The following P2RX3 variants were observed in gnomAD, a reference collection of about 807,000 sequenced individuals.
The protein encoded by P2RX3 is P2X purinoceptor 3.
A neutral mutation model predicts 51.5 loss-of-function variants in P2RX3; 41 were observed. That is an observed-to-expected ratio of 0.80 (90% confidence interval 0.62 to 1.03). P2RX3 has a LOEUF of 1.03. P2RX3 is among the 50% of genes least tolerant of loss of function. The pLI is 0.00. For missense variants in P2RX3, 459 were observed against 522.1 expected (o/e 0.88, Z 1.18); for synonymous variants, 185 against 191.6 (o/e 0.97, Z 0.29).
At chr11:57,347,093 C>G (rs1199949960) in intron 2 of P2RX3, 23 bp from the exon 3 acceptor site, 2 of 1,607,140 alleles carry the variant, frequency 1.2e-6, no homozygotes, top group East Asian at 2.2e-5. Flanking sequence ...GGATGTTTTT[C>G]TCTCCCTTCT....
At chr11:57,338,194 C>T (rs1856269616), upstream of P2RX3, among the ~76,000 whole-genome samples, 1 of 152,182 alleles carries the variant, frequency 6.6e-6, no homozygotes, top group Non-Finnish European at 1.5e-5. Context: ...AGAACAGAAA[C>T]AGTAGACAGA....
At chr11:57,338,316 G>A (rs773025598), upstream of P2RX3, 10 of 355,852 alleles carry the variant, frequency 2.8e-5, no homozygotes, top group Non-Finnish European at 4.2e-5. Context: ...GAGTGGAGTG[G>A]AGACGAACAA....
At chr11:57,343,620 C>T (rs554742536) in intron 1 of P2RX3, among the ~76,000 whole-genome samples, 3 of 152,134 alleles carry the variant, frequency 2.0e-5, no homozygotes, top group African/African-American at 7.2e-5. Flanking sequence ...TAGCAAGTGC[C>T]GCATTGGTTA....
intron 1 of P2RX3, among the ~76,000 whole-genome samples, chr11:57,346,057 C>G (rs1482588581): frequency 6.6e-6 from 1 of 152,094 alleles, no homozygotes; most frequent in Non-Finnish European, 1.5e-5. Context: ...AGGGTACAGC[C>G]GTGGGCCAAG....
At chr11:57,338,985 C>G (rs10896607) in intron 1 of P2RX3, among the ~76,000 whole-genome samples, 49,199 of 151,988 alleles carry the variant, frequency 0.32, 8,173 homozygotes, top group African/African-American at 0.36. Flanking sequence ...TCTCCACCCT[C>G]CCTGCTCTCA....
intron 11 of P2RX3, 102 bp downstream of exon 11, chr11:57,369,540 G>C: frequency 1.9e-6 from 2 of 1,069,350 alleles, no homozygotes; most frequent in Non-Finnish European, 1.4e-6. Context: ...TCTGAAGGGG[G>C]GTTCACCAGG....
intron 1 of P2RX3, among the ~76,000 whole-genome samples, chr11:57,345,425 G>C (rs761865549): frequency 6.6e-6 from 1 of 152,122 alleles, no homozygotes; most frequent in Admixed American, 6.5e-5. Context: ...TGTTTACATC[G>C]TATGTTTCTC....
In P2RX3 at chr11:57,371,785, C is replaced by G. The variant is rs1856890788; in HGVS notation, c.*1788C>G. 6.6e-6 allele frequency among the ~76,000 whole-genome samples: 1 copy of G among 152,194 alleles called. No individual in the cohort carries two copies. The highest frequency in any genetic ancestry group is 1.5e-5 in the Non-Finnish European group (1 of 68,016). On this transcript the variant is annotated 3_prime_UTR_variant, in exon 12 of 12. Coordinates refer to ENST00000263314, the MANE Select transcript of P2RX3 (RefSeq NM_002559.5). ...GTGAAGGCAGCACCACATTCTCCACCTGGGACTCCCCCAGGCATCCCTGGG... is the reference window on the plus strand; with the variant it reads ...GTGAAGGCAGCACCACATTCTCCACGTGGGACTCCCCCAGGCATCCCTGGG...
intron 1 of P2RX3, among the ~76,000 whole-genome samples, chr11:57,346,243 C>G (rs1856429170): frequency 6.6e-6 from 1 of 152,128 alleles, no homozygotes; most frequent in African/African-American, 2.4e-5. Flanking sequence ...ATGCATAAAG[C>G]ACAAATTTGC....
chr11:57,361,542 T>C (rs561233816), intron 8 of P2RX3, among the ~76,000 whole-genome samples: 1 of 152,298 alleles, frequency 6.6e-6, no homozygotes, highest in African/African-American at 2.4e-5. Context: ...TAACATGCAA[T>C]GTTTGGTTTT....
chr11:57,355,463 C>T (rs971619640), intron 8 of P2RX3, among the ~76,000 whole-genome samples: 2 of 151,744 alleles, frequency 1.3e-5, no homozygotes, highest in Non-Finnish European at 1.5e-5. Flanking sequence ...GCCTCAGCCT[C>T]CCCAGTAGCT....
At chr11:57,345,326 C>A (rs1007891748) in intron 1 of P2RX3, among the ~76,000 whole-genome samples, 1 of 152,162 alleles carries the variant, frequency 6.6e-6, no homozygotes, top group Admixed American at 6.5e-5. Context: ...TTCCATGAGA[C>A]GTCACCAGTA....
chr11:57,338,030 G>A (rs531480611), upstream of P2RX3, among the ~76,000 whole-genome samples: 8 of 152,324 alleles, frequency 5.3e-5, no homozygotes, highest in South Asian at 6.2e-4. Context: ...AGGGGACGGC[G>A]CAGAACTGGG....
rs141923671 is a variant in P2RX3, at chr11:57,339,004, A to G, written c.119+335A>G. Among the ~76,000 whole-genome samples the G allele has an allele frequency of 3.9e-3, 589 of 152,150 alleles. 4 individuals are homozygous for G. Among genetic ancestry groups the G allele is most frequent in the Non-Finnish European group, 6.7e-3 (457 of 67,984 alleles). On this transcript the variant is annotated intron_variant, in intron 1 of 11. Coordinates refer to ENST00000263314, the MANE Select transcript of P2RX3 (RefSeq NM_002559.5). The stretch of plus-strand genomic sequence containing the variant: ...CACCCTCCCTGCTCTCATCTCCCCA[A>G]CAAGAGAACAGGCAGACCCCCTCCC...
chr11:57,349,610 G>A, intron 6 of P2RX3, 147 bp from the exon 7 acceptor site: 1 of 918,662 alleles, frequency 1.1e-6, no homozygotes, highest in South Asian at 1.7e-5. Flanking sequence ...TGCAGGGAAA[G>A]GAAAGAGGGG....
intron 8 of P2RX3, among the ~76,000 whole-genome samples, chr11:57,351,420 C>A (rs550001920): frequency 1.3e-5 from 2 of 152,348 alleles, no homozygotes; most frequent in Admixed American, 1.3e-4. Flanking sequence ...CCTCTCCAAA[C>A]AAGAACTCAG....
chr11:57,343,894 T>C (rs1233364063), intron 1 of P2RX3, among the ~76,000 whole-genome samples: 1 of 152,232 alleles, frequency 6.6e-6, no homozygotes, highest in African/African-American at 2.4e-5. Context: ...CCCCAGGCTG[T>C]GAGCTAATAA....
intron 7 of P2RX3, 181 bp from the exon 8 acceptor site, chr11:57,350,581 C>T: frequency 1.3e-6 from 1 of 780,300 alleles, no homozygotes; most frequent in Non-Finnish European, 2.0e-6. Context: ...CGCACCCGGC[C>T]ACCACAGCAC....
At chr11:57,350,737 GC>G in intron 7 of P2RX3, 24 bp from the exon 8 acceptor site, 1 of 1,612,538 alleles carries the variant, frequency 6.2e-7, no homozygotes, top group Non-Finnish European at 8.5e-7. Context: ...CGAGGGGAAA[GC>G]TCATACCCGG....
Sources: gnomAD v4.1 joint callset for allele counts (sites outside exome capture counted in the v4.1 genomes callset) on GRCh38, gnomAD v4.1.1 for gene constraint, MANE v1.5 for transcripts, NCBI Gene and HGNC (gene_info 2026-07-23, HGNC 2026-07-21) for gene names.